BANF1: variants seen among roughly 807,000 people sequenced by gnomAD.
BANF1 encodes the protein barrier to autointegration nuclear assembly factor 1.
For synonymous variants in BANF1, 49 were observed against 43.7 expected, an observed-to-expected ratio of 1.12 and a Z score of -0.48; for missense variants, 47 against 110.4, an observed-to-expected ratio of 0.43 and a Z score of 2.57.
At chr11:66,002,609 C>CAGAGGGGTTGCGGGGAGAAGGGGAGG (rs1297998547) in intron 1 of BANF1, 39 bp downstream of exon 1, 1 of 151,620 alleles carries the variant, frequency 6.6e-6, no homozygotes, top group Non-Finnish European at 1.5e-5. Flanking sequence ...GATTGGAGGC[C>CAGAGGGGTTGCGGGGAGAAGGGGAGG]AGAGGGGTTG....
rs377497600 is a variant in BANF1, at chr11:66,002,901, C to G, written c.-17+331C>G. 4.2e-5 allele frequency: 15 copies of G among 354,880 alleles called. No homozygotes were observed. The East Asian group carries it at 1.1e-3, about 25-fold the overall frequency. The allele number at this position is 354,880 out of a possible 1,614,324, so 22.0% of individuals were successfully genotyped here. A position where few individuals can be genotyped will look rare whatever the true frequency, so the allele number is the denominator to read the frequency against. Reference sequence around the variant, plus strand: ...GGCCGTTCCAGGCAGGCAGTGTCGTCTTGGTTCAGCCAAGGTCACAGAGGG... The same window carrying G: ...GGCCGTTCCAGGCAGGCAGTGTCGTGTTGGTTCAGCCAAGGTCACAGAGGG... On this transcript the variant is annotated intron_variant, in intron 1 of 2. Transcript: ENST00000312175.
In BANF1 at chr11:66,002,978, G is replaced by T; in HGVS notation, c.-16-257G>T. Reference sequence around the variant, plus strand: ...TACGGACTCTGGGCATCTTTCCACTGCCCCGCTTGCGCCACCTGTTAGGCA... The same window carrying T: ...TACGGACTCTGGGCATCTTTCCACTTCCCCGCTTGCGCCACCTGTTAGGCA... On this transcript the variant is annotated intron_variant, in intron 1 of 2. Transcript: ENST00000312175. 3 of 466,744 alleles carry T rather than the reference G, an allele frequency of 6.4e-6. 1 individual carries two copies. The highest frequency in any genetic ancestry group is 4.2e-5 in the South Asian group (2 of 48,072). 28.9% of individuals were successfully genotyped at this position (466,744 alleles called of 1,614,324 possible).
rs1198766216 is a variant in BANF1 at position 66,003,635 on chromosome 11, G to A, written c.133G>A (p.Val45Ile). 1 of 1,614,104 alleles carries A rather than the reference G, an allele frequency of 6.2e-7. No homozygotes were observed. Among genetic ancestry groups the A allele is most frequent in the South Asian group, 1.1e-5 (1 of 91,076 alleles). The change falls in exon 3 of 3, where the codon GTC (valine) becomes ATC (isoleucine). Residue 45 changes from valine to isoleucine, a missense_variant. Val to Ile is a conservative substitution (Grantham distance 29). Coordinates refer to ENST00000312175, the MANE Select transcript of BANF1 (RefSeq NM_003860.4). Reference protein sequence around the residue: ...EERGFDKAYVVLGQFLVLKKD... With the variant: ...EERGFDKAYVILGQFLVLKKD... The stretch of plus-strand genomic sequence containing the variant: ...TTTCCCTGTTTTGCAGGCCTATGTT[G>A]TCCTTGGCCAGTTTCTGGTGCTAAA...
chr11:66,003,175 G>C (rs1004804099), intron 1 of BANF1, 60 bp from the exon 2 acceptor site: 8 of 1,582,092 alleles, frequency 5.1e-6, no homozygotes, highest in Non-Finnish European at 6.1e-6. Context: ...GAGATTGCTC[G>C]TGGGCCCTTA....
chr11:66,003,160 A>C, intron 1 of BANF1, 75 bp from the exon 2 acceptor site: 1 of 1,535,850 alleles, frequency 6.5e-7, no homozygotes, highest in Non-Finnish European at 8.9e-7. Flanking sequence ...GCTTCCTCTT[A>C]CTATGAGATT....
intron 1 of BANF1, 155 bp from the exon 2 acceptor site, chr11:66,003,080 A>T (rs1025205083): frequency 3.7e-5 from 28 of 759,402 alleles, no homozygotes; most frequent in Non-Finnish European, 6.1e-5. Context: ...AGTAGGGAAG[A>T]GTCTCCCTGG....
chr11:66,003,867 A>G lies in BANF1; in HGVS notation c.*95A>G. 5.1e-6 allele frequency: 8 copies of G among 1,568,582 alleles called. No homozygotes were observed. The highest frequency in any genetic ancestry group is 2.2e-4 in the Middle Eastern group (1 of 4,574). On this transcript the variant is annotated 3_prime_UTR_variant, in exon 3 of 3. Coordinates refer to ENST00000312175, the MANE Select transcript of BANF1 (RefSeq NM_003860.4). ...GTCCTCTACGAAGGAAAAGATTGCT[A>G]TTGTCGTACTCACCTCCGACGTACT...
At chr11:66,003,499 G>A (rs1856059914) in intron 2 of BANF1, 126 bp downstream of exon 2, 5 of 1,608,844 alleles carry the variant, frequency 3.1e-6, no homozygotes, top group African/African-American at 1.3e-5. Flanking sequence ...TGGTGGAGAG[G>A]AGAGGGGGGC....
intron 2 of BANF1, 90 bp downstream of exon 2, chr11:66,003,463 G>C (rs901376273): frequency 1.9e-6 from 3 of 1,610,188 alleles, no homozygotes; most frequent in African/African-American, 2.7e-5. Flanking sequence ...GGTATAATCT[G>C]AAGAGGCTGC....
At chr11:66,003,441 G>A in intron 2 of BANF1, 68 bp downstream of exon 2, 6 of 1,612,550 alleles carry the variant, frequency 3.7e-6, no homozygotes, top group South Asian at 1.1e-5. Context: ...TCTGCTGGGG[G>A]ATGGACAGTA....
rs1037686396 is a variant in BANF1 at position 66,003,991 on chromosome 11, C to T, written c.*219C>T. 8.7e-6 allele frequency: 5 copies of T among 571,910 alleles called. No homozygotes were observed. Among genetic ancestry groups the T allele is most frequent in the Admixed American group, 2.9e-5 (1 of 33,906 alleles). 35.4% of individuals were successfully genotyped at this position (571,910 alleles called of 1,614,324 possible). A position where few individuals can be genotyped will look rare whatever the true frequency, so the allele number is the denominator to read the frequency against. Reference sequence around the variant, plus strand: ...CCGTCCTTTTTCCCTTGCCAGTTCCCTGGTGACAGTTACCAGCTTTCCTGA... The same window carrying T: ...CCGTCCTTTTTCCCTTGCCAGTTCCTTGGTGACAGTTACCAGCTTTCCTGA... On this transcript the variant is annotated 3_prime_UTR_variant, in exon 3 of 3. Coordinates refer to ENST00000312175, the MANE Select transcript of BANF1 (RefSeq NM_003860.4).
At position 66,003,110 on chromosome 11, in the gene BANF1, G is replaced by A. The variant is rs571074658; in HGVS notation, c.-16-125G>A. ...CCCTGGAACTGTTTTCTCCTTTCAG[G>A]ATGAGGGGGATCGAGCAAGCCACTG... On this transcript the variant is annotated intron_variant, in intron 1 of 2. Transcript: ENST00000312175. 6.6e-5 allele frequency: 65 copies of A among 980,882 alleles called. No individual in the cohort carries two copies. In the African/African-American group the frequency reaches 7.2e-4, roughly 11 times the overall value. The allele number at this position is 980,882 out of a possible 1,614,324, so 60.8% of individuals were successfully genotyped here.
In BANF1 at chr11:66,004,067, G is replaced by A; in HGVS notation, c.*295G>A. 1 of 430,332 alleles carries A rather than the reference G, an allele frequency of 2.3e-6. No homozygotes were observed. The allele number at this position is 430,332 out of a possible 1,614,324, so 26.7% of individuals were successfully genotyped here. On this transcript the variant is annotated 3_prime_UTR_variant, in exon 3 of 3. Transcript: ENST00000312175. Reference sequence around the variant, plus strand: ...CCCCACCCTCACTTTCAATCCGTTTGATACCATTTGGCTCCTTTTTTGGCA... The same window carrying A: ...CCCCACCCTCACTTTCAATCCGTTTAATACCATTTGGCTCCTTTTTTGGCA...
At position 66,003,914 on chromosome 11, in the gene BANF1, C is replaced by T. The variant is rs1590670887; in HGVS notation, c.*142C>T. On this transcript the variant is annotated 3_prime_UTR_variant, in exon 3 of 3. Transcript: ENST00000312175. ...TACTCCGGGGTCTTTTGGGAGTTTT[C>T]TCCCCTAACCATTTCAACTTTTTTT... is the stretch of plus-strand genomic sequence containing the variant. The T allele has an allele frequency of 8.2e-7, 1 of 1,224,534 alleles. No homozygotes were observed. The highest frequency in any genetic ancestry group is 1.1e-6 in the Non-Finnish European group (1 of 873,442). 75.9% of individuals were successfully genotyped at this position (1,224,534 alleles called of 1,614,324 possible).
rs1032098068 is a variant in BANF1, at chr11:66,003,850, C to T, written c.*78C>T. The T allele has an allele frequency of 1.1e-5, 17 of 1,598,686 alleles. No individual in the cohort carries two copies. The highest frequency in any genetic ancestry group is 2.1e-4 in the Middle Eastern group (1 of 4,872). On this transcript the variant is annotated 3_prime_UTR_variant, in exon 3 of 3. Transcript: ENST00000312175. ...GTAGGGACTCCTCCCCTGTCCTCTA[C>T]GAAGGAAAAGATTGCTATTGTCGTA...
At position 66,003,317 on chromosome 11, in the gene BANF1, C is replaced by T. The variant is rs746502507; in HGVS notation, c.67C>T (p.Leu23=). 6 of 1,613,370 alleles carry T rather than the reference C, an allele frequency of 3.7e-6. No individual in the cohort carries two copies. In the South Asian group the frequency reaches 4.4e-5, roughly 12 times the overall value. ...CATGGGGGAGAAGCCAGTGGGGAGC[C>T]TGGCTGGGATTGGTGAAGTCCTGGG... ...EPMGEKPVGS[L]AGIGEVLGKK... Residue 23 remains leucine, a synonymous_variant, in exon 2 of 3, where the codon CTG becomes TTG. Coordinates refer to ENST00000312175, the MANE Select transcript of BANF1 (RefSeq NM_003860.4).
chr11:66,003,546 A>G (rs1446891729), intron 2 of BANF1, 80 bp from the exon 3 acceptor site: 1 of 1,612,044 alleles, frequency 6.2e-7, no homozygotes, highest in African/African-American at 1.3e-5. Context: ...TGTGCTCTGA[A>G]TGGCACAGGA....
At chr11:66,003,047 A>G in intron 1 of BANF1, 188 bp from the exon 2 acceptor site, 2 of 636,664 alleles carry the variant, frequency 3.1e-6, no homozygotes, top group South Asian at 1.8e-5. Context: ...CAGGTCCTGC[A>G]GGAAGAAACT....
chr11:66,003,370 C>T lies in BANF1; in HGVS notation c.120C>T (p.Asp40=). ...LGKKLEERGF[D]KAYVVLGQFL... ...AGAAGCTGGAGGAAAGGGGTTTTGA[C>T]AAGGTGTGGGGTGGCTGCGTGTACC... Residue 40 remains aspartate, a synonymous_variant, in exon 2 of 3, where the codon GAC becomes GAT. Transcript: ENST00000312175. The T allele has an allele frequency of 6.2e-7, 1 of 1,613,430 alleles. No homozygotes were observed. The highest frequency in any genetic ancestry group is 2.2e-5 in the East Asian group (1 of 44,820).
Sources: gnomAD v4.1 joint callset for allele counts on GRCh38, gnomAD v4.1.1 for gene constraint, MANE v1.5 for transcripts, NCBI Gene and HGNC (gene_info 2026-07-23, HGNC 2026-07-21) for gene names.